Variants in GPR37 observed in about 807,000 individuals in gnomAD.
GPR37 encodes G protein-coupled receptor 37.
GPR37 carries 20 observed loss-of-function variants against 43.6 expected under a neutral mutation model. The ratio of observed to expected loss-of-function variants is 0.46; its 90% CI spans 0.32 to 0.67. The LOEUF (loss-of-function observed/expected upper bound fraction) is 0.67. Ranked by LOEUF, GPR37 falls within the 30% of genes least tolerant of loss-of-function variation. The pLI is 0.03. For synonymous variants in GPR37, 315 were observed against 322.6 expected (o/e 0.98, Z 0.25); for missense variants, 724 against 797.2 (o/e 0.91, Z 1.11).
chr7:124,764,627 G>A lies in GPR37; in HGVS notation c.350C>T (p.Pro117Leu). 4 of 1,592,004 alleles carry A rather than the reference G, an allele frequency of 2.5e-6. No individual in the cohort carries two copies. The highest frequency in any genetic ancestry group is 3.4e-6 in the Non-Finnish European group (4 of 1,168,316). Reference protein sequence around the residue: ...AGPPGPPTRPPGPWRWKGARG... With the variant: ...AGPPGPPTRPLGPWRWKGARG... ...AGCACCTTTCCACCTCCAGGGGCCA[G>A]GTGGCCTGGTTGGAGGTCCCGGGGG... Residue 117 changes from proline to leucine, a missense_variant, in exon 1 of 2, where the codon CCT becomes CTT. Coordinates refer to ENST00000303921, the MANE Select transcript of GPR37 (RefSeq NM_005302.5). This position sits in a 1 kb window ranked among gnomAD's most constrained non-coding sequence, Gnocchi z 5.4.
intron 1 of GPR37, among the ~76,000 whole-genome samples, chr7:124,758,471 C>G (rs1190819507): frequency 6.6e-6 from 1 of 152,176 alleles, no homozygotes; most frequent in Non-Finnish European, 1.5e-5. Context: ...GACTAATCCA[C>G]CTCTCAAAGA....
chr7:124,760,796 A>T (rs1793842218), intron 1 of GPR37, among the ~76,000 whole-genome samples: 1 of 152,182 alleles, frequency 6.6e-6, no homozygotes, highest in South Asian at 2.1e-4. Flanking sequence ...CTGAGCTTCA[A>T]ATTTCATCTT....
chr7:124,764,658 C>T lies in GPR37; in HGVS notation c.319G>A (p.Ala107Thr), dbSNP rs373034842. ...AAGRGAEASA[A>T]GPPGPPTRPP... is the part of the protein sequence containing the mutation. ...CTGGTTGGAGGTCCCGGGGGTCCGG[C>T]TGCCGACGCCTCCGCCCCTCTGCCT... Residue 107 changes from alanine to threonine, a missense_variant, in exon 1 of 2, where the codon GCC becomes ACC. Physicochemically the swap from Ala to Thr is moderately conservative, Grantham distance 58 (BLOSUM62 0). This residue lies in a region of GPR37 where 382 missense variants were observed against 355.4 expected (regional missense o/e 1.07). Transcript: ENST00000303921. This position sits in a 1 kb window ranked among gnomAD's most constrained non-coding sequence, Gnocchi z 5.4. The T allele has an allele frequency of 6.3e-7, 1 of 1,582,550 alleles. No individual in the cohort carries two copies. Among genetic ancestry groups the T allele is most frequent in the Non-Finnish European group, 8.6e-7 (1 of 1,164,800 alleles).
intron 1 of GPR37, among the ~76,000 whole-genome samples, chr7:124,751,587 T>G (rs1022513239): frequency 1.5e-4 from 23 of 152,176 alleles, no homozygotes; most frequent in African/African-American, 5.3e-4. Context: ...TGAAAAGATT[T>G]CTATCACAAT....
Position 124,744,153 on chromosome 7 carries a change from T to C in GPR37, c.*2372A>G, listed in dbSNP as rs1458858115. The C allele has an allele frequency of 6.6e-6, 1 of 152,118 alleles. No homozygotes were observed. The highest frequency in any genetic ancestry group is 6.6e-5 in the Admixed American group (1 of 15,254). 9.4% of individuals were successfully genotyped at this position (152,118 alleles called of 1,614,324 possible). The stretch of plus-strand genomic sequence containing the variant: ...AAATGAAAAAAGAAATTTAAGTTCC[T>C]GCTGCCTCCATTGTGGTTCAATCTC... On this transcript the variant is annotated 3_prime_UTR_variant, in exon 2 of 2. Coordinates refer to ENST00000303921, the MANE Select transcript of GPR37 (RefSeq NM_005302.5).
Position 124,763,521 on chromosome 7 carries a change from G to A in GPR37, c.1023+433C>T, listed in dbSNP as rs1584727682. ...AAAAAATGCAATAATCTTCTTGGGG[G>A]AAAACTCACATTGAAGCACTTGGTA... is the stretch of plus-strand genomic sequence containing the variant. On this transcript the variant is annotated intron_variant, in intron 1 of 1. Transcript: ENST00000303921. Among the ~76,000 whole-genome samples, 9 of 150,286 alleles carry A rather than the reference G, an allele frequency of 6.0e-5. No individual in the cohort carries two copies. The South Asian group carries it at 1.9e-3, about 32-fold the overall frequency.
At position 124,744,089 on chromosome 7, in the gene GPR37, A is replaced by G. The variant is rs190074454; in HGVS notation, c.*2436T>C. On this transcript the variant is annotated 3_prime_UTR_variant, in exon 2 of 2. Coordinates refer to ENST00000303921, the MANE Select transcript of GPR37 (RefSeq NM_005302.5). Reference sequence around the variant, plus strand: ...TGACAGAGGTAGGATTCAATAAGAAAGTACATGTTGCAACTACAAAAAGTT... The same window carrying G: ...TGACAGAGGTAGGATTCAATAAGAAGGTACATGTTGCAACTACAAAAAGTT... 5 of 152,210 alleles carry G rather than the reference A, an allele frequency of 3.3e-5. No individual in the cohort carries two copies. In the East Asian group the frequency reaches 9.7e-4, roughly 29 times the overall value. The allele number at this position is 152,210 out of a possible 1,614,324, so 9.4% of individuals were successfully genotyped here. A position where few individuals can be genotyped will look rare whatever the true frequency, so the allele number is the denominator to read the frequency against.
intron 1 of GPR37, among the ~76,000 whole-genome samples, chr7:124,750,363 C>T (rs1231557962): frequency 1.3e-5 from 2 of 152,210 alleles, no homozygotes; most frequent in African/African-American, 2.4e-5. Flanking sequence ...AATGAGTCCA[C>T]AAATACAAGG....
intron 1 of GPR37, among the ~76,000 whole-genome samples, chr7:124,760,861 T>C (rs1440394411): frequency 6.6e-6 from 1 of 152,126 alleles, no homozygotes; most frequent in Non-Finnish European, 1.5e-5. Flanking sequence ...ACATGATTGT[T>C]CAAAAGCTAC....
rs376765252 is a variant in GPR37 at position 124,764,650 on chromosome 7, G to C, written c.327C>G (p.Pro109=). ...CAGGTGGCCTGGTTGGAGGTCCCGG[G>C]GGTCCGGCTGCCGACGCCTCCGCCC... ...GRGAEASAAG[P]PGPPTRPPGP... Residue 109 remains proline, a synonymous_variant, in exon 1 of 2, where the codon CCC becomes CCG. Coordinates refer to ENST00000303921, the MANE Select transcript of GPR37 (RefSeq NM_005302.5). This position sits in a 1 kb window ranked among gnomAD's most constrained non-coding sequence, Gnocchi z 5.4. 202 of 1,584,040 alleles carry C rather than the reference G, an allele frequency of 1.3e-4. No homozygotes were observed. The highest frequency in any genetic ancestry group is 1.7e-4 in the Middle Eastern group (1 of 5,932).
intron 1 of GPR37, among the ~76,000 whole-genome samples, chr7:124,752,565 G>A (rs1793745646): frequency 1.3e-5 from 2 of 152,082 alleles, no homozygotes; most frequent in East Asian, 3.9e-4. Flanking sequence ...TGTTTGCCTG[G>A]AGACTGCAGT....
rs566014766 is a variant in GPR37 at position 124,744,619 on chromosome 7, C to T, written c.*1906G>A. ...GCTCTCTTCTAACCCTATAAGCATTCCCTCTATTCCAAAGTATCGCAGAAC... is the reference window on the plus strand; with the variant it reads ...GCTCTCTTCTAACCCTATAAGCATTTCCTCTATTCCAAAGTATCGCAGAAC... On this transcript the variant is annotated 3_prime_UTR_variant, in exon 2 of 2. Transcript: ENST00000303921. The T allele has an allele frequency of 6.6e-6, 1 of 152,182 alleles. No homozygotes were observed. Among genetic ancestry groups the T allele is most frequent in the African/African-American group, 2.4e-5 (1 of 41,456 alleles). The allele number at this position is 152,182 out of a possible 1,614,324, so 9.4% of individuals were successfully genotyped here. A position where few individuals can be genotyped will look rare whatever the true frequency, so the allele number is the denominator to read the frequency against.
chr7:124,748,746 G>A (rs1260881345), intron 1 of GPR37, among the ~76,000 whole-genome samples: 8 of 151,968 alleles, frequency 5.3e-5, no homozygotes, highest in Non-Finnish European at 1.2e-4. Flanking sequence ...ATGAAAAACT[G>A]TATTCAAAAA....
At position 124,746,497 on chromosome 7, in the gene GPR37, T is replaced by C; in HGVS notation, c.*28A>G. 6.8e-7 allele frequency: 1 copy of C among 1,469,488 alleles called. No homozygotes were observed. Among genetic ancestry groups the C allele is most frequent in the East Asian group, 2.3e-5 (1 of 43,002 alleles). 91.0% of individuals were successfully genotyped at this position (1,469,488 alleles called of 1,614,324 possible). A position where few individuals can be genotyped will look rare whatever the true frequency, so the allele number is the denominator to read the frequency against. The stretch of plus-strand genomic sequence containing the variant: ...TCACGGGATATGAAAATCAAACAAA[T>C]AAATCTGACCCAACCAAGTACTGTC... On this transcript the variant is annotated 3_prime_UTR_variant, in exon 2 of 2. Transcript: ENST00000303921.
At chr7:124,757,444 ACTTT>A (rs1793804047) in intron 1 of GPR37, among the ~76,000 whole-genome samples, 1 of 152,174 alleles carries the variant, frequency 6.6e-6, no homozygotes, top group Admixed American at 6.5e-5. Flanking sequence ...ATTATTATGG[ACTTT>A]CTATCCTGGG....
At chr7:124,755,038 T>A (rs1428090170) in intron 1 of GPR37, among the ~76,000 whole-genome samples, 3 of 152,032 alleles carry the variant, frequency 2.0e-5, no homozygotes, top group African/African-American at 7.2e-5. Context: ...TTGGAGTGTA[T>A]GCAGATCATG....
rs1466927540 is a variant in GPR37, at chr7:124,750,238, G to T, written c.1024-2895C>A. Among the ~76,000 whole-genome samples the T allele has an allele frequency of 1.8e-4, 28 of 152,010 alleles. 1 individual carries two copies. The highest frequency in any genetic ancestry group is 1.8e-3 in the Admixed American group (28 of 15,256). ...AAATGTTTTGATTCATTTCTCCTAA[G>T]TCTGTCAAAAACAAAACAAAACTTC... On this transcript the variant is annotated intron_variant, in intron 1 of 1. Coordinates refer to ENST00000303921, the MANE Select transcript of GPR37 (RefSeq NM_005302.5).
Position 124,764,707 on chromosome 7 carries a change from C to A in GPR37, c.270G>T (p.Ala90=). The change falls in exon 1 of 2, where the codon GCG becomes GCT. Residue 90 remains alanine, a synonymous_variant. Coordinates refer to ENST00000303921, the MANE Select transcript of GPR37 (RefSeq NM_005302.5). The surrounding 1 kb of genome is among the most constrained non-coding windows in gnomAD (Gnocchi z 5.4). ...CTGCAGCCGGGTCACGGCCCGGGGC[C>A]GCCGGCAGGTCCCAGGAGGGTCCCG... ...FLAGPSWDLP[A]APGRDPAAGR... is the part of the protein sequence containing the mutation. The A allele has an allele frequency of 6.3e-7, 1 of 1,598,512 alleles. No homozygotes were observed. The highest frequency in any genetic ancestry group is 8.5e-7 in the Non-Finnish European group (1 of 1,174,152).
chr7:124,764,053 A>G lies in GPR37; in HGVS notation c.924T>C (p.Phe308=). 6.2e-7 allele frequency: 1 copy of G among 1,614,204 alleles called. No homozygotes were observed. Among genetic ancestry groups the G allele is most frequent in the Non-Finnish European group, 8.5e-7 (1 of 1,180,032 alleles). The change falls in exon 1 of 2, where the codon TTT becomes TTC. Residue 308 remains phenylalanine (F), a synonymous_variant. Coordinates refer to ENST00000303921, the MANE Select transcript of GPR37 (RefSeq NM_005302.5). The surrounding 1 kb of genome is among the most constrained non-coding windows in gnomAD (Gnocchi z 5.4). ...SLLANLAFWD[F]LIIFFCLPLV... Reference sequence around the variant, plus strand: ...GCGGAAGGCAGAAGAAGATGATGAGAAAGTCCCAGAAGGCCAGGTTGGCCA... The same window carrying G: ...GCGGAAGGCAGAAGAAGATGATGAGGAAGTCCCAGAAGGCCAGGTTGGCCA...
Sources: gnomAD v4.1 joint callset for allele counts (sites outside exome capture counted in the v4.1 genomes callset) on GRCh38, gnomAD v4.1.1 for gene constraint, gnomAD v4.1.1 regional missense constraint, Gnocchi (gnomAD v3.1) non-coding constraint, MANE v1.5 for transcripts, NCBI Gene and HGNC (gene_info 2026-07-23, HGNC 2026-07-21) for gene names.